The following LRP11 variants were observed in gnomAD, a reference collection of about 807,000 sequenced individuals.
LRP11 encodes low-density lipoprotein receptor-related protein 11.
In LRP11, 25 loss-of-function variants were observed where a neutral mutation model predicts 43.1. That is an observed-to-expected ratio of 0.58 (90% CI 0.42 to 0.81). The LOEUF (loss-of-function observed/expected upper bound fraction) is 0.81, where lower values mean the gene tolerates loss of function less well. Among genes scored for constraint, LRP11 ranks in the 30% least tolerant of loss-of-function variants. The pLI is 0.00. For missense variants in LRP11, 623 were observed against 665.1 expected (o/e 0.94, Z 0.70); for synonymous variants, 316 against 299.4 (o/e 1.06, Z -0.57).
Position 149,862,577 on chromosome 6 carries a change from C to CCTTTT in LRP11, c.613+830_613+831insAAAAG, listed in dbSNP as rs57368910. 2.4e-3 allele frequency among the ~76,000 whole-genome samples: 297 copies of CCTTTT among 126,202 alleles called. 6 individuals are homozygous for CCTTTT. Among genetic ancestry groups the CCTTTT allele is most frequent in the East Asian group, 0.017 (73 of 4,300 alleles). The allele number at this position is 126,202 out of a possible 152,430, so 82.8% of individuals were successfully genotyped here. A position where few individuals can be genotyped will look rare whatever the true frequency, so the allele number is the denominator to read the frequency against. On this transcript the variant is annotated intron_variant, in intron 1 of 6. Transcript: ENST00000239367. ...CTTTAAAGTTTCCTATTTTCTTTTC[C>CCTTTT]TTTTTTTTTTTTTTTTTTTAAGATG...
intron 3 of LRP11, among the ~76,000 whole-genome samples, chr6:149,839,678 G>A (rs750818662): frequency 2.0e-5 from 3 of 151,856 alleles, no homozygotes; most frequent in African/African-American, 4.8e-5. Context: ...TATTTGAGAC[G>A]GAGTCTCGCT....
At chr6:149,822,439 T>G (rs947333507) in intron 6 of LRP11, among the ~76,000 whole-genome samples, 2 of 150,524 alleles carry the variant, frequency 1.3e-5, no homozygotes, top group African/African-American at 4.9e-5. Context: ...GTCTGGGAGG[T>G]AGAGGCTTCA....
At chr6:149,852,894 A>T in intron 2 of LRP11, 109 bp downstream of exon 2, 1 of 960,716 alleles carries the variant, frequency 1.0e-6, no homozygotes, top group East Asian at 2.8e-5. Flanking sequence ...TCTCCATTTT[A>T]TGCCTTCTGC....
intron 6 of LRP11, among the ~76,000 whole-genome samples, chr6:149,825,855 C>A (rs1776331941): frequency 6.6e-6 from 1 of 152,088 alleles, no homozygotes; most frequent in African/African-American, 2.4e-5. Flanking sequence ...TGCCATATTG[C>A]CCAGGCCGGT....
rs1491456220 is a variant in LRP11, at chr6:149,859,397, T to TATATATA, written c.613+4010_613+4011insTATATAT. ...TGACTCATATATATATATATATATA[T>TATATATA]TTTTTTTTTTTTTTTTTTGACCGAG... On this transcript the variant is annotated intron_variant, in intron 1 of 6. Coordinates refer to ENST00000239367, the MANE Select transcript of LRP11 (RefSeq NM_032832.6). 9.6e-5 allele frequency among the ~76,000 whole-genome samples: 7 copies of TATATATA among 72,988 alleles called. 1 individual carries two copies. Among genetic ancestry groups the TATATATA allele is most frequent in the East Asian group, 2.2e-3 (2 of 918 alleles). 47.9% of individuals were successfully genotyped at this position (72,988 alleles called of 152,430 possible). A position where few individuals can be genotyped will look rare whatever the true frequency, so the allele number is the denominator to read the frequency against.
At chr6:149,829,134 C>T (rs973703092) in intron 5 of LRP11, among the ~76,000 whole-genome samples, 3 of 152,216 alleles carry the variant, frequency 2.0e-5, no homozygotes, top group African/African-American at 4.8e-5. Flanking sequence ...TCCCTTTCCT[C>T]CTCCCCCATG....
intron 1 of LRP11, among the ~76,000 whole-genome samples, chr6:149,858,529 A>T (rs1173400164): frequency 6.6e-6 from 1 of 152,230 alleles, no homozygotes; most frequent in Non-Finnish European, 1.5e-5. Context: ...TCTTTATAGT[A>T]GCATGATTTA....
chr6:149,836,360 C>T, intron 4 of LRP11, 63 bp from the exon 5 acceptor site: 1 of 1,375,114 alleles, frequency 7.3e-7, no homozygotes, highest in Non-Finnish European at 1.0e-6. Context: ...ATACTAAAAA[C>T]ACTACATCTG....
chr6:149,847,782 A>G (rs1427097157), intron 2 of LRP11, among the ~76,000 whole-genome samples: 5 of 150,644 alleles, frequency 3.3e-5, no homozygotes, highest in Non-Finnish European at 7.4e-5. Flanking sequence ...TTCAGTGGCT[A>G]GCAATACACG....
Position 149,864,160 on chromosome 6 carries a change from C to A in LRP11, c.-140G>T, listed in dbSNP as rs1233988685. ...CCCCGGCCTCACAGCGCGGCGCCCC[C>A]GAACCCGGCTGCTCCCCCGAGGTCG... On this transcript the variant is annotated 5_prime_UTR_variant, in exon 1 of 7. Coordinates refer to ENST00000239367, the MANE Select transcript of LRP11 (RefSeq NM_032832.6). 8.7e-6 allele frequency: 10 copies of A among 1,148,328 alleles called. No individual in the cohort carries two copies. The highest frequency in any genetic ancestry group is 1.1e-5 in the Non-Finnish European group (10 of 935,344). 71.1% of individuals were successfully genotyped at this position (1,148,328 alleles called of 1,614,324 possible).
chr6:149,851,147 G>A (rs182429036), intron 2 of LRP11, among the ~76,000 whole-genome samples: 23 of 152,272 alleles, frequency 1.5e-4, no homozygotes, highest in East Asian at 1.2e-3. Context: ...TCTACCTGCC[G>A]TCACTGTTAT....
At chr6:149,848,770 A>C (rs1166340271) in intron 2 of LRP11, among the ~76,000 whole-genome samples, 13 of 151,584 alleles carry the variant, frequency 8.6e-5, no homozygotes, top group African/African-American at 2.9e-4. Context: ...AAAAAAAACA[A>C]AACTGCTGGG....
At chr6:149,849,956 C>A (rs888154117) in intron 2 of LRP11, among the ~76,000 whole-genome samples, 3 of 151,988 alleles carry the variant, frequency 2.0e-5, no homozygotes, top group African/African-American at 7.3e-5. Flanking sequence ...TAAAGTATCA[C>A]GAGGCAAAGG....
intron 5 of LRP11, 48 bp from the exon 6 acceptor site, chr6:149,826,407 C>A: frequency 7.6e-7 from 1 of 1,323,474 alleles, no homozygotes; most frequent in Non-Finnish European, 1.1e-6. Context: ...GCATCAGAAA[C>A]TTCAGGAAAC....
intron 1 of LRP11, among the ~76,000 whole-genome samples, chr6:149,859,946 T>A (rs1397299606): frequency 6.6e-6 from 1 of 152,192 alleles, no homozygotes; most frequent in African/African-American, 2.4e-5. Context: ...CTGGAATTTG[T>A]GTATGGTCAG....
At chr6:149,838,632 C>T (rs1185388708) in intron 3 of LRP11, among the ~76,000 whole-genome samples, 1 of 151,142 alleles carries the variant, frequency 6.6e-6, no homozygotes, top group African/African-American at 2.4e-5. Context: ...TTGCAGTGAG[C>T]CAAGATTGTG....
At chr6:149,846,262 C>T (rs880245) in intron 2 of LRP11, among the ~76,000 whole-genome samples, 48,496 of 152,032 alleles carry the variant, frequency 0.32, 9,410 homozygotes, top group East Asian at 0.82. Flanking sequence ...AATCCTAGCT[C>T]GGAACCAGGC....
chr6:149,839,067 T>G (rs950527346), intron 3 of LRP11, among the ~76,000 whole-genome samples: 7 of 151,156 alleles, frequency 4.6e-5, no homozygotes, highest in Admixed American at 1.3e-4. Flanking sequence ...TTTTGTTTTT[T>G]TTTTTTTTGT....
Position 149,850,932 on chromosome 6 carries a change from GGATTACA to G in LRP11, c.771+2064_771+2070del, listed in dbSNP as rs544395115. Among the ~76,000 whole-genome samples the G allele has an allele frequency of 6.8e-4, 103 of 152,304 alleles. 2 individuals are homozygous for G. Among genetic ancestry groups the G allele is most frequent in the Middle Eastern group, 3.4e-3 (1 of 294 alleles). ...GTGCCTACAAGTGAGGGTGTCCAGT[GGATTACA>G]GATCTCTCTAAGCTGCCTGGCACTC... On this transcript the variant is annotated intron_variant, in intron 2 of 6. Transcript: ENST00000239367.
Sources: allele counts gnomAD v4.1 joint callset (sites outside exome capture counted in the v4.1 genomes callset), GRCh38; gene constraint gnomAD v4.1.1; transcripts MANE v1.5; gene names NCBI Gene and HGNC (gene_info 2026-07-23, HGNC 2026-07-21).